Variants in SLC7A8 observed in about 807,000 individuals in gnomAD.
The protein encoded by SLC7A8 is solute carrier family 7 member 8.
SLC7A8 carries 30 observed loss-of-function variants against 51.2 expected under a neutral mutation model. That is an observed-to-expected ratio of 0.59 (90% CI 0.44 to 0.80). The LOEUF is 0.80. Among genes scored for constraint, SLC7A8 ranks in the 30% least tolerant of loss-of-function variants. The pLI, the probability that SLC7A8 is intolerant of heterozygous loss-of-function variation, is 0.00. For synonymous variants in SLC7A8, 257 were observed against 275.8 expected (o/e 0.93, Z 0.67); for missense variants, 612 against 674.4 (o/e 0.91, Z 1.03).
intron 1 of SLC7A8, among the ~76,000 whole-genome samples, chr14:23,168,244 CA>C (rs2048959601): frequency 6.6e-6 from 1 of 152,196 alleles, no homozygotes; most frequent in South Asian, 2.1e-4. Context: ...GGACATCTTT[CA>C]GCCCTCCTCT....
chr14:23,128,644 G>A lies in SLC7A8; in HGVS notation c.1264-448C>T, dbSNP rs555012677. The stretch of plus-strand genomic sequence containing the variant: ...CGATTCGAGTCACTCAGGCTCCCTG[G>A]TCCTTGCCCACTTCTGTGCAGGGCC... On this transcript the variant is annotated intron_variant, in intron 9 of 10. Coordinates refer to ENST00000316902, the MANE Select transcript of SLC7A8 (RefSeq NM_012244.4). The surrounding 1 kb of genome is among the most constrained non-coding windows in gnomAD (Gnocchi z 4.3). 2.0e-5 allele frequency among the ~76,000 whole-genome samples: 3 copies of A among 152,326 alleles called. No homozygotes were observed. The East Asian group carries it at 5.8e-4, about 29-fold the overall frequency.
chr14:23,138,146 G>A (rs1455672148), intron 6 of SLC7A8, 122 bp from the exon 7 acceptor site: 39 of 1,251,378 alleles, frequency 3.1e-5, no homozygotes, highest in Admixed American at 4.8e-5. Context: ...CTCTCGCCAA[G>A]CTTCTTAATT....
chr14:23,177,250 C>T (rs915725243), intron 1 of SLC7A8, among the ~76,000 whole-genome samples: 10 of 152,232 alleles, frequency 6.6e-5, no homozygotes, highest in African/African-American at 9.7e-5. Flanking sequence ...TGTAGTGAAA[C>T]GTAACCTAAC....
intron 1 of SLC7A8, among the ~76,000 whole-genome samples, chr14:23,167,870 T>C (rs1163922569): frequency 3.9e-5 from 6 of 152,074 alleles, no homozygotes; most frequent in Non-Finnish European, 5.9e-5. Context: ...GAGATGGAGA[T>C]TGTAAGGTGC....
intron 7 of SLC7A8, among the ~76,000 whole-genome samples, chr14:23,134,437 C>CAAAAAA (rs57162273): frequency 2.2e-3 from 139 of 64,160 alleles, no homozygotes; most frequent in African/African-American, 3.9e-3. Flanking sequence ...ACCCTGTCTC[C>CAAAAAA]AAAAAAAAAA....
At chr14:23,136,651 C>T (rs1326083006) in intron 7 of SLC7A8, among the ~76,000 whole-genome samples, 3 of 152,294 alleles carry the variant, frequency 2.0e-5, no homozygotes, top group East Asian at 1.9e-4. Flanking sequence ...GCCTCTGAAT[C>T]GGAGGTGGAG....
Position 23,128,392 on chromosome 14 carries a change from G to C in SLC7A8, c.1264-196C>G. 6.6e-7 allele frequency: 1 copy of C among 1,522,820 alleles called. No homozygotes were observed. The highest frequency in any genetic ancestry group is 8.8e-7 in the Non-Finnish European group (1 of 1,137,508). The allele number at this position is 1,522,820 out of a possible 1,614,324, so 94.3% of individuals were successfully genotyped here. ...ATATAAACAAATGTTGATGAACATG[G>C]TCGGTCAGACAGGAAGAGGATGGGG... On this transcript the variant is annotated intron_variant, in intron 9 of 10. Coordinates refer to ENST00000316902, the MANE Select transcript of SLC7A8 (RefSeq NM_012244.4). This position sits in a 1 kb window ranked among gnomAD's most constrained non-coding sequence, Gnocchi z 4.3.
At chr14:23,171,021 G>A (rs1210491549) in intron 1 of SLC7A8, among the ~76,000 whole-genome samples, 4 of 152,108 alleles carry the variant, frequency 2.6e-5, no homozygotes, top group Non-Finnish European at 4.4e-5. Flanking sequence ...GAGCCATCCT[G>A]CCCGGCCAAC....
intron 3 of SLC7A8, among the ~76,000 whole-genome samples, chr14:23,159,543 A>G (rs1230410950): frequency 6.6e-6 from 1 of 152,222 alleles, no homozygotes; most frequent in Non-Finnish European, 1.5e-5. Context: ...GAAAATGTTT[A>G]GTGTCTGGGG....
chr14:23,180,122 G>A (rs1877104456), intron 1 of SLC7A8, among the ~76,000 whole-genome samples: 1 of 152,034 alleles, frequency 6.6e-6, no homozygotes, highest in Non-Finnish European at 1.5e-5. Flanking sequence ...TAGCCAGGAT[G>A]GTCTTGATCT....
At chr14:23,164,658 A>C (rs1196778097) in intron 3 of SLC7A8, among the ~76,000 whole-genome samples, 1 of 152,084 alleles carries the variant, frequency 6.6e-6, no homozygotes, top group East Asian at 1.9e-4. Flanking sequence ...TCCATTCATA[A>C]AAAACACACT....
intron 3 of SLC7A8, among the ~76,000 whole-genome samples, chr14:23,157,837 G>C (rs1344985738): frequency 6.6e-6 from 1 of 152,142 alleles, no homozygotes; most frequent in African/African-American, 2.4e-5. Context: ...CTGGATGCTG[G>C]CCTCCTGGGG....
chr14:23,181,676 C>A (rs1192539784), intron 1 of SLC7A8, among the ~76,000 whole-genome samples: 1 of 152,238 alleles, frequency 6.6e-6, no homozygotes, highest in South Asian at 2.1e-4. Context: ...ACACAACGAG[C>A]TCTCATAAAG....
intron 7 of SLC7A8, 26 bp downstream of exon 7, chr14:23,137,895 C>T (rs780394060): frequency 1.1e-5 from 17 of 1,609,634 alleles, no homozygotes; most frequent in African/African-American, 4.0e-5. Flanking sequence ...GGCCCCTGGC[C>T]GGGGAAGGGC....
chr14:23,172,278 A>G (rs1378040037), intron 1 of SLC7A8, among the ~76,000 whole-genome samples: 1 of 152,248 alleles, frequency 6.6e-6, no homozygotes, highest in Non-Finnish European at 1.5e-5. Context: ...ACAGCACTGT[A>G]CAGCCAGGAC....
At chr14:23,127,437 G>A in intron 10 of SLC7A8, 94 bp from the exon 11 acceptor site, 4 of 1,456,540 alleles carry the variant, frequency 2.7e-6, no homozygotes, top group Non-Finnish European at 3.8e-6. Flanking sequence ...TCCTGCTCCA[G>A]GTTCTGCCTC....
rs1182643338 is a variant in SLC7A8, at chr14:23,135,857, CATCT to C, written c.1016+2060_1016+2063del. Among the ~76,000 whole-genome samples, 6 of 152,094 alleles carry C rather than the reference CATCT, an allele frequency of 3.9e-5. 1 individual carries two copies. Among genetic ancestry groups the C allele is most frequent in the African/African-American group, 7.2e-5 (3 of 41,400 alleles). On this transcript the variant is annotated intron_variant, in intron 7 of 10. Coordinates refer to ENST00000316902, the MANE Select transcript of SLC7A8 (RefSeq NM_012244.4). ...ATCATCTGTAGCTTGAAAATATGTA[CATCT>C]ATTATATACATATGAATATGAAACT...
intron 6 of SLC7A8, among the ~76,000 whole-genome samples, chr14:23,138,803 G>T (rs1438962476): frequency 2.6e-5 from 4 of 152,220 alleles, no homozygotes; most frequent in African/African-American, 9.6e-5. Context: ...AGAACAGGCT[G>T]CCCCAGGAGA....
chr14:23,137,450 C>A (rs148247452), intron 7 of SLC7A8, among the ~76,000 whole-genome samples: 15 of 152,288 alleles, frequency 9.8e-5, no homozygotes, highest in African/African-American at 3.6e-4. Flanking sequence ...CACCTGCAGG[C>A]TAGTTCCAGA....
Sources: allele counts gnomAD v4.1 joint callset (sites outside exome capture counted in the v4.1 genomes callset), GRCh38; gene constraint gnomAD v4.1.1; non-coding constraint Gnocchi (gnomAD v3.1); transcripts MANE v1.5; gene names NCBI Gene and HGNC (gene_info 2026-07-23, HGNC 2026-07-21).